The following SPTB variants were observed in gnomAD, a reference collection of about 807,000 sequenced individuals.
The protein encoded by SPTB is spectrin beta, erythrocytic.
SPTB carries 45 observed loss-of-function variants against 256.2 expected under a neutral mutation model. The observed-to-expected ratio is 0.18, with a 90% CI of 0.14 to 0.23. SPTB has a LOEUF of 0.23. SPTB is among the 10% of genes least tolerant of loss of function. SPTB has a pLI of 1.00. For missense variants in SPTB, 2,715 were observed against 3,040.4 expected (o/e 0.89, Z 2.52); for synonymous variants, 1,231 against 1,243.1 (o/e 0.99, Z 0.21).
chr14:64,784,142 G>T, intron 19 of SPTB, 105 bp downstream of exon 19: 3 of 1,552,218 alleles, frequency 1.9e-6, no homozygotes, highest in Non-Finnish European at 2.6e-6. Context: ...GCCACGTTCT[G>T]TACTGTCAGC....
rs1202882583 is a variant in SPTB at position 64,847,748 on chromosome 14, G to A, written c.-51-24603C>T. On this transcript the variant is annotated intron_variant, in intron 1 of 35. Coordinates refer to ENST00000644917, the MANE Select transcript of SPTB (RefSeq NM_001355436.2). The surrounding 1 kb of genome is among the most constrained non-coding windows in gnomAD (Gnocchi z 5.9). Reference sequence around the variant, plus strand: ...TAAACCACTTGAAACTCATTGCAGAGTTCATGCCTAACACAGCATGCCACC... The same window carrying A: ...TAAACCACTTGAAACTCATTGCAGAATTCATGCCTAACACAGCATGCCACC... Among the ~76,000 whole-genome samples the A allele has an allele frequency of 1.3e-5, 2 of 152,180 alleles. No homozygotes were observed. Among genetic ancestry groups the A allele is most frequent in the African/African-American group, 4.8e-5 (2 of 41,450 alleles).
Position 64,769,215 on chromosome 14 carries a change from C to A in SPTB, c.5938-97G>T, listed in dbSNP as rs150167163. ...TCCTGCAAAGAATGCCAGGTTTGGTCCTACAGCCCTGGCTTCAAGTCTTGG... is the reference window on the plus strand; with the variant it reads ...TCCTGCAAAGAATGCCAGGTTTGGTACTACAGCCCTGGCTTCAAGTCTTGG... On this transcript the variant is annotated intron_variant, in intron 28 of 35. Transcript: ENST00000644917. 7.3e-4 allele frequency: 882 copies of A among 1,203,678 alleles called. 5 individuals are homozygous for A. The African/African-American group carries it at 0.012, about 16-fold the overall frequency. 74.6% of individuals were successfully genotyped at this position (1,203,678 alleles called of 1,614,324 possible). A position where few individuals can be genotyped will look rare whatever the true frequency, so the allele number is the denominator to read the frequency against.
rs541345452 is a variant in SPTB, at chr14:64,766,101, T to C, written c.6345+625A>G. Among the ~76,000 whole-genome samples, 12 of 144,102 alleles carry C rather than the reference T, an allele frequency of 8.3e-5. No individual in the cohort carries two copies. In the South Asian group the frequency reaches 2.6e-3, roughly 32 times the overall value. 94.5% of individuals were successfully genotyped at this position (144,102 alleles called of 152,430 possible). ...CTGTATGAGTATGCGTGTGTGGGTG[T>C]GTGTGGATGTGTGTATGGGGATGTG... On this transcript the variant is annotated intron_variant, in intron 32 of 35. Transcript: ENST00000644917.
At chr14:64,857,862 A>G (rs376452322) in intron 1 of SPTB, among the ~76,000 whole-genome samples, 1 of 152,348 alleles carries the variant, frequency 6.6e-6, no homozygotes, top group East Asian at 1.9e-4. Flanking sequence ...CTTATAACAC[A>G]TAATGAGATC....
chr14:64,767,467 C>G, intron 30 of SPTB, 115 bp from the exon 31 acceptor site: 2 of 1,473,410 alleles, frequency 1.4e-6, no homozygotes, highest in South Asian at 1.1e-5. Context: ...CTTGTTCCTT[C>G]TAGAGTCAGC....
chr14:64,843,988 C>T (rs1191003117), intron 1 of SPTB, among the ~76,000 whole-genome samples: 4 of 152,112 alleles, frequency 2.6e-5, no homozygotes, highest in African/African-American at 9.7e-5. Flanking sequence ...TTTCAGCCAC[C>T]CTAATGTGTT....
chr14:64,836,038 G>A (rs2083517604), intron 1 of SPTB, among the ~76,000 whole-genome samples: 1 of 152,324 alleles, frequency 6.6e-6, no homozygotes, highest in South Asian at 2.1e-4. Context: ...ACACAGCTTG[G>A]AGACATCTTC....
intron 2 of SPTB, among the ~76,000 whole-genome samples, chr14:64,821,609 C>A (rs2083288975): frequency 6.6e-6 from 1 of 152,290 alleles, no homozygotes; most frequent in African/African-American, 2.4e-5. Context: ...GTTTGGTTGG[C>A]TTAAATTAAC....
At chr14:64,763,624 T>G (rs1050760068) in intron 32 of SPTB, 2 of 464,890 alleles carry the variant, frequency 4.3e-6, no homozygotes, top group Non-Finnish European at 8.8e-6. Flanking sequence ...GATTAGGTGG[T>G]TTTTATCTCA....
chr14:64,761,824 G>A (rs969672993), intron 32 of SPTB, among the ~76,000 whole-genome samples: 1 of 151,932 alleles, frequency 6.6e-6, no homozygotes, highest in Non-Finnish European at 1.5e-5. Flanking sequence ...AGATTAGAGA[G>A]AGTTAGAAGA....
chr14:64,822,791 A>G (rs1188888349), intron 2 of SPTB, among the ~76,000 whole-genome samples, 156 bp downstream of exon 2: 1 of 152,146 alleles, frequency 6.6e-6, no homozygotes, highest in African/African-American at 2.4e-5. Context: ...CTCCCTCCCA[A>G]GGGGACCCCC....
intron 1 of SPTB, among the ~76,000 whole-genome samples, chr14:64,843,009 G>T (rs911115768): frequency 2.0e-5 from 3 of 152,082 alleles, no homozygotes; most frequent in Admixed American, 1.3e-4. Flanking sequence ...AGGCTGCAGT[G>T]AGCTGTGATC....
chr14:64,864,780 C>T (rs973821454), intron 1 of SPTB, among the ~76,000 whole-genome samples: 7 of 151,930 alleles, frequency 4.6e-5, no homozygotes, highest in African/African-American at 1.5e-4. Flanking sequence ...ATAACATGTT[C>T]GTGTTATAAT....
At chr14:64,854,322 AG>A in intron 1 of SPTB, among the ~76,000 whole-genome samples, 1 of 88,956 alleles carries the variant, frequency 1.1e-5, no homozygotes, top group Non-Finnish European at 2.0e-5. Context: ...TCTGTTGTCC[AG>A]GCTGGAGTGC....
Position 64,753,754 on chromosome 14 carries a change from G to A in SPTB, c.6385C>T (p.Pro2129Ser). 6.2e-7 allele frequency: 1 copy of A among 1,613,610 alleles called. No individual in the cohort carries two copies. Residue 2129 changes from proline (P) to serine (S), a missense_variant, in exon 33 of 36, where the codon CCA becomes TCA. Physicochemically the swap from Pro to Ser is moderately conservative, Grantham distance 74 (BLOSUM62 -1). Coordinates refer to ENST00000644917, the MANE Select transcript of SPTB (RefSeq NM_001355436.2). ...TCCTTGTGCTGACCCGGCGGTGGTG[G>A]CTGCTGCAGGTTCTGAGGCCACGTT... Reference protein sequence around the residue: ...EGTWPQNLQQPPPPGQHKDGQ... With the variant: ...EGTWPQNLQQSPPPGQHKDGQ...
rs1345378861 is a variant in SPTB at position 64,803,685 on chromosome 14, G to A, written c.396C>T (p.Asn132=). The A allele has an allele frequency of 1.9e-6, 3 of 1,614,196 alleles. No individual in the cohort carries two copies. The highest frequency in any genetic ancestry group is 2.5e-6 in the Non-Finnish European group (3 of 1,180,028). Residue 132 remains asparagine, a synonymous_variant, in exon 4 of 36, where the codon AAC becomes AAT. Transcript: ENST00000644917. The part of the protein sequence containing the change: ...FLKEQRVHLE[N]MGSHDIVDGN... ...CATCTACAATGTCGTGGGAGCCCAT[G>A]TTCTCCAGGTGTACACGCTGCTCCT...
chr14:64,797,628 G>C (rs1022363014), intron 10 of SPTB, 101 bp downstream of exon 10: 1 of 991,248 alleles, frequency 1.0e-6, no homozygotes, highest in African/African-American at 1.6e-5. Context: ...TAACATCAAA[G>C]AAAGTGGCTT....
intron 1 of SPTB, among the ~76,000 whole-genome samples, chr14:64,830,367 ATTATTATTATTATT>A (rs1165175652): frequency 2.7e-4 from 27 of 100,940 alleles, no homozygotes; most frequent in African/African-American, 1.3e-3. Flanking sequence ...TATTATTATT[ATTATTATTATTATT>A]TTATTTTATT....
In SPTB at chr14:64,829,581, C is replaced by T. The variant is rs143591508; in HGVS notation, c.-51-6436G>A. ...CAATGCTCAAAAAGGTAGTGGGGGA[C>T]AAGACATGATGTCTGGGATTTGCTT... On this transcript the variant is annotated intron_variant, in intron 1 of 35. Transcript: ENST00000644917. 2.2e-3 allele frequency among the ~76,000 whole-genome samples: 342 copies of T among 152,224 alleles called. 4 individuals carry two copies. Among genetic ancestry groups the T allele is most frequent in the East Asian group, 5.4e-3 (28 of 5,184 alleles).
Sources: allele counts gnomAD v4.1 joint callset (sites outside exome capture counted in the v4.1 genomes callset), GRCh38; gene constraint gnomAD v4.1.1; non-coding constraint Gnocchi (gnomAD v3.1); transcripts MANE v1.5; gene names NCBI Gene and HGNC (gene_info 2026-07-23, HGNC 2026-07-21).